Variants in TMTC2 observed in about 807,000 individuals in gnomAD.
TMTC2 encodes transmembrane O-mannosyltransferase targeting cadherins 2, also known as protein O-mannosyl-transferase TMTC2.
TMTC2 carries 43 observed loss-of-function variants against 82.4 expected under a neutral mutation model. The observed-to-expected ratio is 0.52, with a 90% CI of 0.41 to 0.67. TMTC2 has a LOEUF of 0.67. Among genes scored for constraint, TMTC2 ranks in the 30% least tolerant of loss-of-function variants. TMTC2 has a pLI of 0.00. For synonymous variants in TMTC2, 408 were observed against 381.9 expected (o/e 1.07, Z -0.80); for missense variants, 919 against 1,012.4 (o/e 0.91, Z 1.25).
intron 10 of TMTC2, among the ~76,000 whole-genome samples, chr12:83,057,120 T>A (rs1882572337): frequency 6.6e-6 from 1 of 151,880 alleles, no homozygotes; most frequent in Non-Finnish European, 1.5e-5. Flanking sequence ...ATATAACAGT[T>A]GACATTGCCG....
chr12:82,958,033 G>A (rs1437740837), intron 4 of TMTC2, among the ~76,000 whole-genome samples: 1 of 152,090 alleles, frequency 6.6e-6, no homozygotes, highest in East Asian at 1.9e-4. Context: ...TATGAAGCCA[G>A]CATCACCCTG....
At chr12:82,983,848 A>G (rs977365919) in intron 7 of TMTC2, among the ~76,000 whole-genome samples, 14 of 151,960 alleles carry the variant, frequency 9.2e-5, no homozygotes, top group Non-Finnish European at 1.6e-4. Flanking sequence ...ATTGTTCAGT[A>G]TTTTAGGGCT....
intron 2 of TMTC2, among the ~76,000 whole-genome samples, chr12:82,869,913 C>T (rs1032786692): frequency 4.0e-5 from 6 of 151,776 alleles, no homozygotes; most frequent in Admixed American, 1.3e-4. Context: ...ATTAGGCCCA[C>T]GATTAGTTGA....
chr12:82,795,343 T>G (rs1878668084), intron 1 of TMTC2, among the ~76,000 whole-genome samples: 1 of 151,598 alleles, frequency 6.6e-6, no homozygotes, highest in South Asian at 2.1e-4. Context: ...GTTAAAAAAT[T>G]TATATGGTAA....
chr12:82,797,533 A>C (rs1482081459), intron 1 of TMTC2, among the ~76,000 whole-genome samples: 1 of 152,188 alleles, frequency 6.6e-6, no homozygotes, highest in Non-Finnish European at 1.5e-5. Context: ...CAAGTATCAC[A>C]ACATATGTTG....
Position 82,867,835 on chromosome 12 carries a change from TA to T in TMTC2, c.654+10259del, listed in dbSNP as rs148807193. On this transcript the variant is annotated intron_variant, in intron 2 of 11. Transcript: ENST00000321196. The stretch of plus-strand genomic sequence containing the variant: ...CTTAAGCTCTCATGACATATTGTAA[TA>T]AAAGCTAAATATATTTAATATTGTG... 9.2e-3 allele frequency among the ~76,000 whole-genome samples: 1,404 copies of T among 152,328 alleles called. 23 individuals carry two copies. The highest frequency in any genetic ancestry group is 0.032 in the African/African-American group (1,328 of 41,572).
chr12:83,044,976 A>C (rs1323712130), intron 9 of TMTC2, among the ~76,000 whole-genome samples: 1 of 152,248 alleles, frequency 6.6e-6, no homozygotes, highest in Non-Finnish European at 1.5e-5. Flanking sequence ...CATTGCAGAC[A>C]GCTTTTTAAA....
At chr12:82,930,576 C>T (rs377640468) in intron 4 of TMTC2, 31 bp downstream of exon 4, 9 of 1,447,980 alleles carry the variant, frequency 6.2e-6, no homozygotes, top group African/African-American at 2.8e-5. Flanking sequence ...TGGTTTGGTT[C>T]GTCTTTGAAA....
At chr12:83,002,993 C>T (rs1481908763) in intron 8 of TMTC2, among the ~76,000 whole-genome samples, 1 of 152,004 alleles carries the variant, frequency 6.6e-6, no homozygotes, top group Non-Finnish European at 1.5e-5. Flanking sequence ...CCTTAATGAT[C>T]TGTCTAACGC....
intron 2 of TMTC2, among the ~76,000 whole-genome samples, chr12:82,887,495 T>C (rs774659416): frequency 1.3e-5 from 2 of 152,160 alleles, no homozygotes; most frequent in South Asian, 2.1e-4. Flanking sequence ...TCAGGTGATA[T>C]GTGGGGAAGA....
intron 2 of TMTC2, among the ~76,000 whole-genome samples, chr12:82,865,095 G>C (rs1287496491): frequency 6.6e-6 from 1 of 151,448 alleles, no homozygotes; most frequent in Non-Finnish European, 1.5e-5. Flanking sequence ...AAGGTGGAGG[G>C]GTGCCTGTAA....
chr12:82,885,122 C>T (rs979389456), intron 2 of TMTC2, among the ~76,000 whole-genome samples: 24 of 149,554 alleles, frequency 1.6e-4, no homozygotes, highest in Non-Finnish European at 2.4e-4. Flanking sequence ...AGGGTGGTCT[C>T]GAACTCCTGA....
chr12:82,896,003 C>CCT lies in TMTC2; in HGVS notation c.843_844dup (p.Trp282SerfsTer48). On this transcript the variant is annotated frameshift_variant, in exon 3 of 12. Transcript: ENST00000321196. LOFTEE classifies it high-confidence loss of function. ...CCTTCTTCTACTTGCCAACCAAGAA[C>CCT]CTCTGGCTGTTGCTATGTCCAGATA... is the stretch of plus-strand genomic sequence containing the variant. 6.2e-7 allele frequency: 1 copy of CCT among 1,613,858 alleles called. No individual in the cohort carries two copies. The highest frequency in any genetic ancestry group is 8.5e-7 in the Non-Finnish European group (1 of 1,180,002).
At chr12:83,130,399 G>A (rs557277070) in intron 11 of TMTC2, among the ~76,000 whole-genome samples, 8 of 152,262 alleles carry the variant, frequency 5.3e-5, no homozygotes, top group African/African-American at 1.9e-4. Flanking sequence ...GTCATTTAGA[G>A]CTATGTTTAT....
At chr12:82,832,431 A>G (rs1473035581) in intron 1 of TMTC2, among the ~76,000 whole-genome samples, 2 of 151,770 alleles carry the variant, frequency 1.3e-5, no homozygotes. Flanking sequence ...ACATTTTCAG[A>G]CTGAATAAAT....
chr12:82,980,425 G>C (rs1878864112), intron 7 of TMTC2, among the ~76,000 whole-genome samples: 1 of 151,812 alleles, frequency 6.6e-6, no homozygotes, highest in Non-Finnish European at 1.5e-5. Flanking sequence ...AACCAGCTAA[G>C]TTCTCAAACT....
intron 1 of TMTC2, among the ~76,000 whole-genome samples, chr12:82,806,437 TATTTGGC>T (rs1436965934): frequency 1.3e-5 from 2 of 152,164 alleles, no homozygotes; most frequent in African/African-American, 4.8e-5. Flanking sequence ...TTATCCTTGG[TATTTGGC>T]ATTTTTGTTT....
At chr12:83,116,811 A>G (rs977623335) in intron 11 of TMTC2, among the ~76,000 whole-genome samples, 1 of 151,874 alleles carries the variant, frequency 6.6e-6, no homozygotes, top group East Asian at 1.9e-4. Flanking sequence ...GTTTGAGTTC[A>G]TTGTAGAGTC....
chr12:83,080,454 A>G (rs943286997), intron 11 of TMTC2, among the ~76,000 whole-genome samples: 6 of 152,166 alleles, frequency 3.9e-5, no homozygotes, highest in Non-Finnish European at 7.3e-5. Context: ...TAAACACGAT[A>G]ATGTTGGATA....
Sources: allele counts gnomAD v4.1 joint callset (sites outside exome capture counted in the v4.1 genomes callset), GRCh38; gene constraint gnomAD v4.1.1; transcripts MANE v1.5; gene names NCBI Gene and HGNC (gene_info 2026-07-23, HGNC 2026-07-21).